The following BPI variants were observed in gnomAD, a reference collection of about 807,000 sequenced individuals.
BPI encodes the protein bactericidal permeability-increasing protein.
BPI carries 48 observed loss-of-function variants against 57.6 expected under a neutral mutation model. That is an observed-to-expected ratio of 0.83 (90% confidence interval 0.66 to 1.06). The LOEUF (loss-of-function observed/expected upper bound fraction) is 1.06, where lower values mean the gene tolerates loss of function less well. BPI is among the 50% of genes least tolerant of loss of function. BPI has a pLI of 0.00. For synonymous variants in BPI, 237 were observed against 238.2 expected, an observed-to-expected ratio of 0.99 and a Z score of 0.05; for missense variants, 651 against 609.7, an observed-to-expected ratio of 1.07 and a Z score of -0.71.
chr20:38,330,234 C>T (rs1322388509), intron 11 of BPI, among the ~76,000 whole-genome samples: 1 of 151,936 alleles, frequency 6.6e-6, no homozygotes, highest in African/African-American at 2.4e-5. Flanking sequence ...GCTAGTGAGA[C>T]CCCATCTCAA....
At chr20:38,315,159 A>T (rs1427609039) in intron 5 of BPI, among the ~76,000 whole-genome samples, 1 of 152,128 alleles carries the variant, frequency 6.6e-6, no homozygotes, top group African/African-American at 2.4e-5. Context: ...AGATTCCATG[A>T]TTATCCCTAT....
rs139687705 is a variant in BPI at position 38,324,193 on chromosome 20, G to A, written c.933+147G>A. The A allele has an allele frequency of 1.6e-3, 1,581 of 990,616 alleles. 6 individuals are homozygous for A. Among genetic ancestry groups the A allele is most frequent in the Middle Eastern group, 5.7e-3 (17 of 3,002 alleles). The allele number at this position is 990,616 out of a possible 1,614,324, so 61.4% of individuals were successfully genotyped here. A position where few individuals can be genotyped will look rare whatever the true frequency, so the allele number is the denominator to read the frequency against. ...TCAGCTAGAGCTGAGTTCCAATATC[G>A]GCCCCACCCCTCTCCAGCTGGGTGA... On this transcript the variant is annotated intron_variant, in intron 8 of 14. Transcript: ENST00000642449.
rs2076737248 is a variant in BPI at position 38,330,536 on chromosome 20, C to T, written c.1230-512C>T. Among the ~76,000 whole-genome samples the T allele has an allele frequency of 2.0e-5, 3 of 152,276 alleles. No individual in the cohort carries two copies. In the South Asian group the frequency reaches 6.2e-4, roughly 32 times the overall value. ...GCTCAGGTAACTGAAAAATCCAAGGCTTTCAGTCAAGGAAAGACCCAGGTG... is the reference window on the plus strand; with the variant it reads ...GCTCAGGTAACTGAAAAATCCAAGGTTTTCAGTCAAGGAAAGACCCAGGTG... On this transcript the variant is annotated intron_variant, in intron 11 of 14. Coordinates refer to ENST00000642449, the MANE Select transcript of BPI (RefSeq NM_001725.3).
rs2076659886 is a variant in BPI at position 38,317,879 on chromosome 20, G to A, written c.601-534G>A. The A allele has an allele frequency of 4.8e-6, 7 of 1,459,620 alleles. 1 individual carries two copies. The Admixed American group carries it at 1.5e-4, about 31-fold the overall frequency. The allele number at this position is 1,459,620 out of a possible 1,614,324, so 90.4% of individuals were successfully genotyped here. A position where few individuals can be genotyped will look rare whatever the true frequency, so the allele number is the denominator to read the frequency against. On this transcript the variant is annotated intron_variant, in intron 5 of 14. Transcript: ENST00000642449. ...TGTTCCATTGTGAGTCATGGGCTAG[G>A]GGACAGGGGGATTGGGGTGGAGTGG... is the stretch of plus-strand genomic sequence containing the variant.
intron 1 of BPI, among the ~76,000 whole-genome samples, chr20:38,306,872 T>C (rs1409105644): frequency 6.6e-6 from 1 of 152,004 alleles, no homozygotes; most frequent in Non-Finnish European, 1.5e-5. Flanking sequence ...GGCCTTAATG[T>C]CTTTAAATGA....
intron 6 of BPI, among the ~76,000 whole-genome samples, chr20:38,318,987 C>A (rs369704958): frequency 1.2e-4 from 19 of 152,284 alleles, no homozygotes; most frequent in African/African-American, 3.8e-4. Flanking sequence ...GTAATCCCAG[C>A]ACTTTGGAAG....
intron 11 of BPI, 150 bp downstream of exon 11, chr20:38,327,805 A>G: frequency 2.2e-6 from 2 of 901,410 alleles, no homozygotes; most frequent in East Asian, 2.9e-5. Flanking sequence ...CGATGGCCAC[A>G]GTATCCCCAT....
At chr20:38,323,436 T>C (rs2076696563) in intron 7 of BPI, among the ~76,000 whole-genome samples, 1 of 152,222 alleles carries the variant, frequency 6.6e-6, no homozygotes, top group African/African-American at 2.4e-5. Context: ...CTTTTCCCAT[T>C]TTGCTAAGTT....
chr20:38,327,560 ACTTCACCCTGGGTTGTTGTTTT>A lies in BPI; in HGVS notation c.1162-27_1162-6del. On this transcript the variant is annotated splice_region_variant and splice_polypyrimidine_tract_variant and intron_variant, in intron 10 of 14. Coordinates refer to ENST00000642449, the MANE Select transcript of BPI (RefSeq NM_001725.3). ...TGCAATCAGGTGCCTGGGTCAGGGC[ACTTCACCCTGGGTTGTTGTTTT>A]GGCAGCACACAACTGGTTCCATGGA... The A allele has an allele frequency of 6.2e-7, 1 of 1,611,456 alleles. No homozygotes were observed. The highest frequency in any genetic ancestry group is 8.5e-7 in the Non-Finnish European group (1 of 1,178,796).
rs569457982 is a variant in BPI, at chr20:38,312,226, A to T, written c.600+289A>T. On this transcript the variant is annotated intron_variant, in intron 5 of 14. Coordinates refer to ENST00000642449, the MANE Select transcript of BPI (RefSeq NM_001725.3). ...CCTTCCTCCCTGCTGAGAAAATGCC[A>T]TTCTCTTTCTGCCTCCCTCTCTTCC... Among the ~76,000 whole-genome samples, 10 of 152,130 alleles carry T rather than the reference A, an allele frequency of 6.6e-5. No individual in the cohort carries two copies. In the East Asian group the frequency reaches 1.9e-3, roughly 29 times the overall value.
In BPI at chr20:38,327,497, A is replaced by G. The variant is rs1281064722; in HGVS notation, c.1162-91A>G. 20 of 1,413,910 alleles carry G rather than the reference A, an allele frequency of 1.4e-5. No homozygotes were observed. In the Admixed American group the frequency reaches 3.4e-4, roughly 24 times the overall value. The allele number at this position is 1,413,910 out of a possible 1,614,324, so 87.6% of individuals were successfully genotyped here. A position where few individuals can be genotyped will look rare whatever the true frequency, so the allele number is the denominator to read the frequency against. On this transcript the variant is annotated intron_variant, in intron 10 of 14. Coordinates refer to ENST00000642449, the MANE Select transcript of BPI (RefSeq NM_001725.3). ...CCCCACAGTGTATGCTGCCCTGCTG[A>G]GCCGTTGTGAAGCTGACCCTTCTTG... is the stretch of plus-strand genomic sequence containing the variant.
rs181329567 is a variant in BPI at position 38,308,108 on chromosome 20, C to T, written c.245+427C>T. ...ATCACTTCCTTGGACAGGCCTAATTCGCAGGCAGTGTGTCCCCTCCAGAGG... is the reference window on the plus strand; with the variant it reads ...ATCACTTCCTTGGACAGGCCTAATTTGCAGGCAGTGTGTCCCCTCCAGAGG... On this transcript the variant is annotated intron_variant, in intron 2 of 14. Transcript: ENST00000642449. Among the ~76,000 whole-genome samples, 1,146 of 152,234 alleles carry T rather than the reference C, an allele frequency of 7.5e-3. 10 individuals are homozygous for T. Among genetic ancestry groups the T allele is most frequent in the Non-Finnish European group, 0.012 (825 of 68,020 alleles).
chr20:38,319,977 A>G, intron 6 of BPI: 1 of 576,874 alleles, frequency 1.7e-6, no homozygotes. Flanking sequence ...TGTTGGAAGA[A>G]GAGAGTAAGG....
intron 14 of BPI, among the ~76,000 whole-genome samples, chr20:38,336,739 T>TA (rs1266521781): frequency 6.6e-6 from 1 of 152,022 alleles, no homozygotes; most frequent in South Asian, 2.1e-4. Flanking sequence ...GTTCGTGTTT[T>TA]AAAAAAAATG....
chr20:38,312,854 G>T (rs2076628170), intron 5 of BPI, among the ~76,000 whole-genome samples: 1 of 152,240 alleles, frequency 6.6e-6, no homozygotes, highest in Non-Finnish European at 1.5e-5. Flanking sequence ...ATACATGTTT[G>T]TCAAAATGCA....
Position 38,337,017 on chromosome 20 carries a change from C to A in BPI, c.1414-129C>A, listed in dbSNP as rs576915726. ...GGGCAGCGAAACACTGAGTGACCCC[C>A]ACTGGCCCTGCCTTTCTCCTTCCTA... On this transcript the variant is annotated intron_variant, in intron 14 of 14. Coordinates refer to ENST00000642449, the MANE Select transcript of BPI (RefSeq NM_001725.3). The A allele has an allele frequency of 1.5e-5, 12 of 824,878 alleles. No individual in the cohort carries two copies. In the South Asian group the frequency reaches 1.6e-4, roughly 11 times the overall value. The allele number at this position is 824,878 out of a possible 1,614,324, so 51.1% of individuals were successfully genotyped here.
At chr20:38,313,797 G>GGAT (rs913587567) in intron 5 of BPI, among the ~76,000 whole-genome samples, 2 of 140,942 alleles carry the variant, frequency 1.4e-5, no homozygotes, top group Non-Finnish European at 3.2e-5. Flanking sequence ...GTGATGGTGG[G>GGAT]GATGATGATG....
Position 38,320,475 on chromosome 20 carries a change from C to T in BPI, c.756+201C>T, listed in dbSNP as rs547687426. On this transcript the variant is annotated intron_variant, in intron 7 of 14. Transcript: ENST00000642449. ...CCCGAAACACACCATGCCTGCCCCA[C>T]CCCCCTCCAAAGGCCTTTGCCCTTG... Among the ~76,000 whole-genome samples, 33 of 151,938 alleles carry T rather than the reference C, an allele frequency of 2.2e-4. 2 individuals are homozygous for T. The East Asian group carries it at 2.7e-3, about 13-fold the overall frequency.
intron 5 of BPI, 101 bp downstream of exon 5, chr20:38,312,038 C>T (rs928122533): frequency 1.4e-4 from 170 of 1,201,454 alleles, no homozygotes; most frequent in Non-Finnish European, 1.0e-4. Flanking sequence ...CTCCAGACCC[C>T]TTGGTAGTCC....
Sources: allele counts gnomAD v4.1 joint callset (sites outside exome capture counted in the v4.1 genomes callset), GRCh38; gene constraint gnomAD v4.1.1; transcripts MANE v1.5; gene names NCBI Gene and HGNC (gene_info 2026-07-23, HGNC 2026-07-21).